PCDH9: variants seen among roughly 807,000 people sequenced by gnomAD.
PCDH9 encodes protocadherin-9.
A neutral mutation model predicts 70.6 loss-of-function variants in PCDH9; 24 were observed. That is an observed-to-expected ratio of 0.34 (90% CI 0.25 to 0.48). PCDH9 has a LOEUF of 0.48. Among genes scored for constraint, PCDH9 ranks in the 20% least tolerant of loss-of-function variants. The probability of loss-of-function intolerance (pLI) is 0.99; values close to 1 mark genes in which losing one functional copy is unlikely to be tolerated. For synonymous variants in PCDH9, 562 were observed against 558.5 expected (o/e 1.01, Z -0.09); for missense variants, 1,281 against 1,503.6 (o/e 0.85, Z 2.45).
chr13:66,539,572 G>T (rs963334723), intron 4 of PCDH9, among the ~76,000 whole-genome samples: 4 of 152,078 alleles, frequency 2.6e-5, no homozygotes, highest in African/African-American at 4.8e-5. Flanking sequence ...GACATGGCTG[G>T]AAGAATCACT....
chr13:66,324,986 C>G (rs1364008737), intron 4 of PCDH9, among the ~76,000 whole-genome samples: 1 of 151,846 alleles, frequency 6.6e-6, no homozygotes, highest in African/African-American at 2.4e-5. Context: ...ATCTAGCAAT[C>G]TAGATCTAAA....
intron 2 of PCDH9, among the ~76,000 whole-genome samples, chr13:67,171,943 C>G (rs933517002): frequency 6.6e-6 from 1 of 152,122 alleles, no homozygotes; most frequent in East Asian, 1.9e-4. Context: ...CGCCTGCTCT[C>G]AAAGATGTGA....
chr13:66,936,032 C>T (rs1260570668), intron 2 of PCDH9, among the ~76,000 whole-genome samples: 1 of 152,202 alleles, frequency 6.6e-6, no homozygotes, highest in Non-Finnish European at 1.5e-5. Context: ...TTCCAGTGAG[C>T]TGAGATCGCA....
At chr13:66,660,952 A>G (rs561245024) in intron 3 of PCDH9, among the ~76,000 whole-genome samples, 1 of 152,142 alleles carries the variant, frequency 6.6e-6, no homozygotes, top group African/African-American at 2.4e-5. Context: ...TTAGTAGTAC[A>G]TTATAAATAT....
At chr13:67,129,055 G>A (rs10507741) in intron 2 of PCDH9, among the ~76,000 whole-genome samples, 12,884 of 151,930 alleles carry the variant, frequency 0.085, 569 homozygotes, top group African/African-American at 0.092. Flanking sequence ...CACCACCTTG[G>A]GACAGAAGTC....
chr13:67,131,655 GAAA>G (rs1335199844), intron 2 of PCDH9, among the ~76,000 whole-genome samples: 1 of 151,992 alleles, frequency 6.6e-6, no homozygotes, highest in African/African-American at 2.4e-5. Flanking sequence ...AAAAGAAAAA[GAAA>G]AATTCAGAGA....
chr13:66,878,418 G>T (rs1372071330), intron 3 of PCDH9, among the ~76,000 whole-genome samples: 1 of 151,922 alleles, frequency 6.6e-6, no homozygotes. Context: ...GTAGAGACAG[G>T]GTTTCACCTC....
intron 4 of PCDH9, among the ~76,000 whole-genome samples, chr13:66,316,080 T>G (rs1955646970): frequency 6.6e-6 from 1 of 152,178 alleles, no homozygotes; most frequent in Non-Finnish European, 1.5e-5. Flanking sequence ...TTCCTGGACA[T>G]GTGACTCCTC....
chr13:67,117,598 A>G (rs754489934), intron 2 of PCDH9, among the ~76,000 whole-genome samples: 4 of 152,150 alleles, frequency 2.6e-5, no homozygotes, highest in Non-Finnish European at 5.9e-5. Flanking sequence ...AATAAGTTAT[A>G]CCAAAGGCTA....
intron 3 of PCDH9, among the ~76,000 whole-genome samples, chr13:66,891,603 G>A (rs1488470577): frequency 6.6e-6 from 1 of 152,054 alleles, no homozygotes; most frequent in African/African-American, 2.4e-5. Flanking sequence ...TTTAAAAGTA[G>A]CTTGGCTTCC....
chr13:66,678,683 C>T, intron 3 of PCDH9, among the ~76,000 whole-genome samples: 1 of 151,682 alleles, frequency 6.6e-6, no homozygotes, highest in East Asian at 1.9e-4. Flanking sequence ...AGCCAAATAC[C>T]AAATAACAAG....
At chr13:67,215,354 G>C (rs923132982) in intron 2 of PCDH9, 1 of 151,932 alleles carries the variant, frequency 6.6e-6, no homozygotes, top group Admixed American at 6.6e-5. Context: ...CTGGCATACT[G>C]TCTGGATGGC....
At chr13:66,620,104 G>T (rs944018569) in intron 4 of PCDH9, among the ~76,000 whole-genome samples, 1 of 151,990 alleles carries the variant, frequency 6.6e-6, no homozygotes, top group Non-Finnish European at 1.5e-5. Context: ...GCAAATCAAA[G>T]AAATACTCTC....
intron 3 of PCDH9, among the ~76,000 whole-genome samples, chr13:66,782,500 C>G (rs2080015387): frequency 6.6e-6 from 1 of 151,870 alleles, no homozygotes; most frequent in African/African-American, 2.4e-5. Context: ...GAGATATGTG[C>G]TCTAAGTGTA....
At chr13:67,111,030 A>T (rs1177905471) in intron 2 of PCDH9, among the ~76,000 whole-genome samples, 2 of 152,222 alleles carry the variant, frequency 1.3e-5, no homozygotes, top group African/African-American at 4.8e-5. Flanking sequence ...TGGCTGATTG[A>T]ATTAAAAAAC....
intron 3 of PCDH9, among the ~76,000 whole-genome samples, chr13:66,800,208 T>C (rs903043518): frequency 6.6e-6 from 1 of 152,034 alleles, no homozygotes; most frequent in African/African-American, 2.4e-5. Context: ...TTCTATCTAT[T>C]CCCTGTAACA....
intron 4 of PCDH9, among the ~76,000 whole-genome samples, chr13:66,618,437 TG>T (rs1289317364): frequency 6.6e-6 from 1 of 152,216 alleles, no homozygotes; most frequent in Non-Finnish European, 1.5e-5. Context: ...CAAATTACTA[TG>T]GTTTCTTAAA....
At chr13:66,309,192 G>T (rs906353291) in intron 4 of PCDH9, among the ~76,000 whole-genome samples, 1 of 151,712 alleles carries the variant, frequency 6.6e-6, no homozygotes, top group African/African-American at 2.4e-5. Context: ...ATATTAAGGA[G>T]AAAACAAAAC....
rs1960870475 is a variant in PCDH9, at chr13:66,539,862, T to C, written c.3340+91348A>G. On this transcript the variant is annotated intron_variant, in intron 4 of 4. Transcript: ENST00000377865. ...TATTTTTCTTTATTTTTTTATTTTC[T>C]TTTTTTCCTTTTTTTTTTTTTTTTT... Among the ~76,000 whole-genome samples, 4 of 115,506 alleles carry C rather than the reference T, an allele frequency of 3.5e-5. 1 individual carries two copies. In the South Asian group the frequency reaches 1.3e-3, roughly 36 times the overall value. 75.8% of individuals were successfully genotyped at this position (115,506 alleles called of 152,430 possible).
Sources: gnomAD v4.1 joint callset for allele counts (sites outside exome capture counted in the v4.1 genomes callset) on GRCh38, gnomAD v4.1.1 for gene constraint, MANE v1.5 for transcripts, NCBI Gene and HGNC (gene_info 2026-07-23, HGNC 2026-07-21) for gene names.